Variants in CDCA7 observed in about 807,000 individuals in gnomAD.
CDCA7 encodes cell division cycle-associated protein 7.
CDCA7 carries 28 observed loss-of-function variants against 54.0 expected under a neutral mutation model. The observed-to-expected ratio is 0.52, with a 90% CI of 0.38 to 0.71. CDCA7 has a LOEUF of 0.71. Among genes scored for constraint, CDCA7 ranks in the 30% least tolerant of loss-of-function variants. The pLI is 0.00. For synonymous variants in CDCA7, 180 were observed against 208.2 expected, an observed-to-expected ratio of 0.86 and a Z score of 1.16; for missense variants, 484 against 586.0, an observed-to-expected ratio of 0.83 and a Z score of 1.80.
In CDCA7 at chr2:173,366,541, T is replaced by C; in HGVS notation, c.1185+109T>C. 2 of 1,416,742 alleles carry C rather than the reference T, an allele frequency of 1.4e-6. No homozygotes were observed. The highest frequency in any genetic ancestry group is 2.9e-5 in the South Asian group (2 of 68,290). 87.8% of individuals were successfully genotyped at this position (1,416,742 alleles called of 1,614,324 possible). A position where few individuals can be genotyped will look rare whatever the true frequency, so the allele number is the denominator to read the frequency against. ...GGGTGGAGCCCTTTCTGTTATGGGG[T>C]GCTCTTCTTTTTTTTTAAGATGGAG... On this transcript the variant is annotated intron_variant, in intron 8 of 9. Coordinates refer to ENST00000306721, the MANE Select transcript of CDCA7 (RefSeq NM_031942.5). This position sits in a 1 kb window ranked among gnomAD's most constrained non-coding sequence, Gnocchi z 4.5.
Position 173,358,765 on chromosome 2 carries a change from G to T in CDCA7, c.75G>T (p.Leu25Phe). Residue 25 changes from leucine to phenylalanine, a missense_variant, in exon 2 of 10, where the codon TTG becomes TTT. Leu to Phe is a conservative substitution (Grantham distance 22, BLOSUM62 0). Around this residue, in one of 3 missense-constraint regions of CDCA7, gnomAD observed 398 missense variants for 447.4 expected, o/e 0.89. Coordinates refer to ENST00000306721, the MANE Select transcript of CDCA7 (RefSeq NM_031942.5). Reference sequence around the variant, plus strand: ...TAAAGAAATTCAGATATGTGAAGTTGATTTCCATGGAAACCTCGTCATCCT... The same window carrying T: ...TAAAGAAATTCAGATATGTGAAGTTTATTTCCATGGAAACCTCGTCATCCT... The part of the protein sequence containing the change: ...KNLKKFRYVK[L>F]ISMETSSSSD... The T allele has an allele frequency of 6.2e-7, 1 of 1,613,932 alleles. No homozygotes were observed. The highest frequency in any genetic ancestry group is 1.1e-5 in the South Asian group (1 of 91,012).
Position 173,368,561 on chromosome 2 carries a change from G to A in CDCA7, c.*897G>A, listed in dbSNP as rs1686764004. ...CAGTTTCTTGTAAATTTATAAACCAGGCACAAGGTTCAAGTTTAGATTTTA... is the reference window on the plus strand; with the variant it reads ...CAGTTTCTTGTAAATTTATAAACCAAGCACAAGGTTCAAGTTTAGATTTTA... On this transcript the variant is annotated 3_prime_UTR_variant, in exon 10 of 10. Transcript: ENST00000306721. 1 of 152,168 alleles carries A rather than the reference G, an allele frequency of 6.6e-6. No individual in the cohort carries two copies. Among genetic ancestry groups the A allele is most frequent in the African/African-American group, 2.4e-5 (1 of 41,432 alleles). 9.4% of individuals were successfully genotyped at this position (152,168 alleles called of 1,614,324 possible).
At chr2:173,359,191 A>T in intron 2 of CDCA7, 64 bp from the exon 3 acceptor site, 1 of 1,359,518 alleles carries the variant, frequency 7.4e-7, no homozygotes, top group Non-Finnish European at 1.0e-6. Context: ...TGCACGGTTT[A>T]TGGAAAATTG....
At position 173,367,179 on chromosome 2, in the gene CDCA7, C is replaced by T. The variant is rs775883856; in HGVS notation, c.1215C>T (p.Ile405=). The T allele has an allele frequency of 8.1e-6, 13 of 1,603,806 alleles. No individual in the cohort carries two copies. In the South Asian group the frequency reaches 1.1e-4, roughly 14 times the overall value. ...PNWHCPPCRG[I]CNCSFCRQRD... is the part of the protein sequence containing the mutation. ...GGCATTGCCCGCCTTGTCGAGGAAT[C>T]TGCAACTGCAGTTTCTGCCGGCAGC... The change falls in exon 9 of 10, where the codon ATC becomes ATT. Residue 405 remains isoleucine (I), a synonymous_variant. Coordinates refer to ENST00000306721, the MANE Select transcript of CDCA7 (RefSeq NM_031942.5).
chr2:173,365,656 C>T (rs1373757616), intron 7 of CDCA7, 64 bp downstream of exon 7: 9 of 1,558,322 alleles, frequency 5.8e-6, no homozygotes, highest in Non-Finnish European at 7.8e-6. Flanking sequence ...GCTTCTGTCC[C>T]TAAGCGTTGC....
rs777100041 is a variant in CDCA7, at chr2:173,364,940, A to T, written c.845A>T (p.Asp282Val). The part of the protein sequence containing the change: ...ALPMEEEEEE[D>V]KYMLVRKRKT... The stretch of plus-strand genomic sequence containing the variant: ...CCCATGGAGGAGGAGGAGGAAGAGG[A>T]TAAGTACATGTTGGTGAGAAAGAGG... Residue 282 changes from aspartate to valine, a missense_variant, in exon 6 of 10, where the codon GAT becomes GTT. Coordinates refer to ENST00000306721, the MANE Select transcript of CDCA7 (RefSeq NM_031942.5). 3.7e-6 allele frequency: 6 copies of T among 1,607,416 alleles called. No homozygotes were observed. Among genetic ancestry groups the T allele is most frequent in the East Asian group, 2.2e-5 (1 of 44,602 alleles).
chr2:173,361,755 T>A (rs1475808240), intron 3 of CDCA7, among the ~76,000 whole-genome samples: 1 of 152,004 alleles, frequency 6.6e-6, no homozygotes, highest in Non-Finnish European at 1.5e-5. Context: ...CCCAGCCTTC[T>A]TTTGCTTTTT....
chr2:173,359,513 G>GT, intron 3 of CDCA7, 22 bp downstream of exon 3: 1 of 1,583,938 alleles, frequency 6.3e-7, no homozygotes, highest in South Asian at 1.1e-5. Context: ...AATTTCACCA[G>GT]TTTCAAGAAG....
At position 173,367,182 on chromosome 2, in the gene CDCA7, C is replaced by T; in HGVS notation, c.1218C>T (p.Cys406=). Residue 406 remains cysteine (C), a synonymous_variant, in exon 9 of 10, where the codon TGC becomes TGT. Coordinates refer to ENST00000306721, the MANE Select transcript of CDCA7 (RefSeq NM_031942.5). The part of the protein sequence containing the change: ...NWHCPPCRGI[C]NCSFCRQRDG... ...ATTGCCCGCCTTGTCGAGGAATCTG[C>T]AACTGCAGTTTCTGCCGGCAGCGAG... The T allele has an allele frequency of 6.2e-7, 1 of 1,604,860 alleles. No homozygotes were observed. Among genetic ancestry groups the T allele is most frequent in the Admixed American group, 1.7e-5 (1 of 58,116 alleles).
chr2:173,358,540 A>G (rs563046187), intron 1 of CDCA7, 172 bp from the exon 2 acceptor site: 7 of 631,022 alleles, frequency 1.1e-5, no homozygotes, highest in African/African-American at 9.4e-5. Flanking sequence ...TTACAAAAAA[A>G]AGAAAGAAAA....
intron 9 of CDCA7, 89 bp from the exon 10 acceptor site, chr2:173,367,545 A>G (rs1188685380): frequency 3.3e-6 from 5 of 1,514,178 alleles, no homozygotes; most frequent in African/African-American, 1.4e-5. Flanking sequence ...TAACTCAATA[A>G]AAATGGTTTT....
intron 1 of CDCA7, among the ~76,000 whole-genome samples, chr2:173,355,251 C>T (rs901510980): frequency 6.6e-6 from 1 of 152,230 alleles, no homozygotes; most frequent in Non-Finnish European, 1.5e-5. Context: ...CTGGAAAGCC[C>T]TAGGCACGTG....
chr2:173,362,032 G>C (rs974371807), intron 3 of CDCA7, among the ~76,000 whole-genome samples: 7 of 152,150 alleles, frequency 4.6e-5, no homozygotes, highest in African/African-American at 1.4e-4. Context: ...GGCCAGACTG[G>C]TGTCAAACTC....
In CDCA7 at chr2:173,367,733, C is replaced by A; in HGVS notation, c.*69C>A. 1 of 1,504,890 alleles carries A rather than the reference C, an allele frequency of 6.6e-7. No individual in the cohort carries two copies. The highest frequency in any genetic ancestry group is 9.2e-7 in the Non-Finnish European group (1 of 1,081,986). The allele number at this position is 1,504,890 out of a possible 1,614,324, so 93.2% of individuals were successfully genotyped here. The stretch of plus-strand genomic sequence containing the variant: ...CTTGTAAAAGTTTCCAATTTTTTCA[C>A]TGAAACCTGAGTTAAAAATCTTGAT... On this transcript the variant is annotated 3_prime_UTR_variant, in exon 10 of 10. Transcript: ENST00000306721.
At position 173,359,439 on chromosome 2, in the gene CDCA7, C is replaced by CT. The variant is rs773668313; in HGVS notation, c.333dup (p.Asp112Ter). On this transcript the variant is annotated frameshift_variant, in exon 3 of 10. Coordinates refer to ENST00000306721, the MANE Select transcript of CDCA7 (RefSeq NM_031942.5). LOFTEE classifies it high-confidence loss of function. ...CTGGCCGGTATTTTTCATGCCGACT[C>CT]TGACGATGAATCATTTTGCGGTTTC... 5 of 1,614,032 alleles carry CT rather than the reference C, an allele frequency of 3.1e-6. No homozygotes were observed. Among genetic ancestry groups the CT allele is most frequent in the Admixed American group, 1.7e-5 (1 of 59,998 alleles).
At chr2:173,360,000 C>T (rs1040619836) in intron 3 of CDCA7, among the ~76,000 whole-genome samples, 2 of 152,192 alleles carry the variant, frequency 1.3e-5, no homozygotes, top group African/African-American at 4.8e-5. Context: ...TTCCTATGCA[C>T]GCTACCTTCC....
At chr2:173,365,951 C>A (rs955603830) in intron 7 of CDCA7, among the ~76,000 whole-genome samples, 1 of 152,054 alleles carries the variant, frequency 6.6e-6, no homozygotes, top group Non-Finnish European at 1.5e-5. Flanking sequence ...TTTAATAAGA[C>A]CTTTTCTTAA....
At chr2:173,355,904 C>G (rs983166662) in intron 1 of CDCA7, among the ~76,000 whole-genome samples, 4 of 152,048 alleles carry the variant, frequency 2.6e-5, no homozygotes, top group African/African-American at 9.7e-5. Flanking sequence ...AGTCGCCGCC[C>G]CGGTGGAGCT....
rs1686463642 is a variant in CDCA7 at position 173,354,909 on chromosome 2, C to T, written c.-55C>T. ...CCTCCTGCTGTGGGACCGCTGACCG[C>T]GCGGCTGCTCCGCTCTCCCCGCTCC... On this transcript the variant is annotated 5_prime_UTR_variant, in exon 1 of 10. Coordinates refer to ENST00000306721, the MANE Select transcript of CDCA7 (RefSeq NM_031942.5). 8.8e-6 allele frequency: 13 copies of T among 1,476,432 alleles called. No homozygotes were observed. The highest frequency in any genetic ancestry group is 1.2e-5 in the Non-Finnish European group (13 of 1,121,248). The allele number at this position is 1,476,432 out of a possible 1,614,324, so 91.5% of individuals were successfully genotyped here.
Sources: gnomAD v4.1 joint callset for allele counts (sites outside exome capture counted in the v4.1 genomes callset) on GRCh38, gnomAD v4.1.1 for gene constraint, gnomAD v4.1.1 regional missense constraint, Gnocchi (gnomAD v3.1) non-coding constraint, MANE v1.5 for transcripts, NCBI Gene and HGNC (gene_info 2026-07-23, HGNC 2026-07-21) for gene names.